KCNQ1: variants seen among roughly 807,000 people sequenced by gnomAD.
KCNQ1 encodes the protein potassium voltage-gated channel subfamily Q member 1, also known as potassium voltage-gated channel subfamily KQT member 1.
In KCNQ1, 49 loss-of-function variants were observed where a neutral mutation model predicts 72.4. That is an observed-to-expected ratio of 0.68 (90% CI 0.54 to 0.86). The LOEUF (loss-of-function observed/expected upper bound fraction) is 0.86, where lower values mean the gene tolerates loss of function less well. Among genes scored for constraint, KCNQ1 ranks in the 40% least tolerant of loss-of-function variants. The pLI, the probability that KCNQ1 is intolerant of heterozygous loss-of-function variation, is 0.00. For synonymous variants in KCNQ1, 450 were observed against 412.6 expected, an observed-to-expected ratio of 1.09 and a Z score of -1.10; for missense variants, 790 against 945.1, an observed-to-expected ratio of 0.84 and a Z score of 2.15.
chr11:2,651,595 G>A lies in KCNQ1; in HGVS notation c.1394-10366G>A, dbSNP rs1161573747. On this transcript the variant is annotated intron_variant, in intron 10 of 15. Coordinates refer to ENST00000155840, the MANE Select transcript of KCNQ1 (RefSeq NM_000218.3). The surrounding 1 kb of genome is among the most constrained non-coding windows in gnomAD (Gnocchi z 6.1). ...CCATGTCTCCAGTGCCTGCCACATA[G>A]CAGGTCCTCCAAGATTTGCTGATCT... is the stretch of plus-strand genomic sequence containing the variant. 1.5e-5 allele frequency: 6 copies of A among 398,530 alleles called. No individual in the cohort carries two copies. The highest frequency in any genetic ancestry group is 4.4e-6 in the Non-Finnish European group (1 of 226,094). The allele number at this position is 398,530 out of a possible 1,614,324, so 24.7% of individuals were successfully genotyped here.
At position 2,492,345 on chromosome 11, in the gene KCNQ1, G is replaced by A. The variant is rs1280829304; in HGVS notation, c.387-35583G>A. Among the ~76,000 whole-genome samples, 2 of 152,194 alleles carry A rather than the reference G, an allele frequency of 1.3e-5. No individual in the cohort carries two copies. Among genetic ancestry groups the A allele is most frequent in the Non-Finnish European group, 2.9e-5 (2 of 68,034 alleles). The stretch of plus-strand genomic sequence containing the variant: ...AAAGCGGAGAGACAAAAGTTGAAGT[G>A]TAGAGATTTTTTGTTTTACTTTAAG... On this transcript the variant is annotated intron_variant, in intron 1 of 15. Coordinates refer to ENST00000155840, the MANE Select transcript of KCNQ1 (RefSeq NM_000218.3). The surrounding 1 kb of genome is among the most constrained non-coding windows in gnomAD (Gnocchi z 4.1).
chr11:2,477,160 C>T lies in KCNQ1; in HGVS notation c.386+31676C>T, dbSNP rs955705874. On this transcript the variant is annotated intron_variant, in intron 1 of 15. Transcript: ENST00000155840. The surrounding 1 kb of genome is among the most constrained non-coding windows in gnomAD (Gnocchi z 5.0). ...CCCTCATCAGAACGTCCACAGCTGA[C>T]GGTGAACACATTGGCAGGTGAGATA... is the stretch of plus-strand genomic sequence containing the variant. Among the ~76,000 whole-genome samples, 4 of 152,196 alleles carry T rather than the reference C, an allele frequency of 2.6e-5. No homozygotes were observed. The highest frequency in any genetic ancestry group is 4.1e-4 in the South Asian group (2 of 4,828).
At chr11:2,530,219 C>T (rs1847595537) in intron 2 of KCNQ1, among the ~76,000 whole-genome samples, 1 of 152,172 alleles carries the variant, frequency 6.6e-6, no homozygotes, top group Non-Finnish European at 1.5e-5. Flanking sequence ...GCCCAGGATC[C>T]CCAAGTCCTC....
rs1395532766 is a variant in KCNQ1, at chr11:2,462,939, G to T, written c.386+17455G>T. Among the ~76,000 whole-genome samples, 2 of 152,210 alleles carry T rather than the reference G, an allele frequency of 1.3e-5. No individual in the cohort carries two copies. Among genetic ancestry groups the T allele is most frequent in the East Asian group, 1.9e-4 (1 of 5,192 alleles). On this transcript the variant is annotated intron_variant, in intron 1 of 15. Coordinates refer to ENST00000155840, the MANE Select transcript of KCNQ1 (RefSeq NM_000218.3). This position sits in a 1 kb window ranked among gnomAD's most constrained non-coding sequence, Gnocchi z 8.2. ...CCCGTGAGCTGAGCAGACAGGGAGG[G>T]TCTTGGGGGAAGGCTGTGGGCCCTT...
chr11:2,471,636 A>G lies in KCNQ1; in HGVS notation c.386+26152A>G, dbSNP rs1589898531. ...TATGGGTGTGTGCACGTATGCACGG[A>G]TGTGTGTACACATGTGTATGGGTGT... is the stretch of plus-strand genomic sequence containing the variant. On this transcript the variant is annotated intron_variant, in intron 1 of 15. Coordinates refer to ENST00000155840, the MANE Select transcript of KCNQ1 (RefSeq NM_000218.3). This position sits in a 1 kb window ranked among gnomAD's most constrained non-coding sequence, Gnocchi z 4.8. Among the ~76,000 whole-genome samples, 1 of 136,944 alleles carries G rather than the reference A, an allele frequency of 7.3e-6. No homozygotes were observed. The highest frequency in any genetic ancestry group is 2.3e-4 in the South Asian group (1 of 4,256). The allele number at this position is 136,944 out of a possible 152,430, so 89.8% of individuals were successfully genotyped here.
At chr11:2,539,903 G>A (rs1454914118) in intron 2 of KCNQ1, among the ~76,000 whole-genome samples, 1 of 152,226 alleles carries the variant, frequency 6.6e-6, no homozygotes, top group Non-Finnish European at 1.5e-5. Flanking sequence ...GTTGGGTTAT[G>A]TCCTTGTTTT....
chr11:2,568,133 C>T (rs1010079717), intron 2 of KCNQ1, among the ~76,000 whole-genome samples: 18 of 152,014 alleles, frequency 1.2e-4, no homozygotes, highest in African/African-American at 3.6e-4. Context: ...ATTAGCCAGG[C>T]GTGGTGGCAT....
intron 15 of KCNQ1, among the ~76,000 whole-genome samples, chr11:2,836,688 C>T (rs750686804): frequency 1.8e-4 from 27 of 152,218 alleles, no homozygotes; most frequent in Admixed American, 1.0e-3. Context: ...ACAAGTGTGT[C>T]GCATGGAAAC....
At chr11:2,456,876 T>G (rs1308594544) in intron 1 of KCNQ1, among the ~76,000 whole-genome samples, 1 of 143,336 alleles carries the variant, frequency 7.0e-6, no homozygotes, top group Non-Finnish European at 1.5e-5. Context: ...GAGACGGAGC[T>G]TGCAGTAAGC....
Position 2,626,645 on chromosome 11 carries a change from C to T in KCNQ1, c.1394-35316C>T, listed in dbSNP as rs748224327. The stretch of plus-strand genomic sequence containing the variant: ...CCAGGCTCAAGCAATCCTCCCACCT[C>T]GGCTTCTTGAGTAGCTGGGAATAGA... On this transcript the variant is annotated intron_variant, in intron 10 of 15. Transcript: ENST00000155840. This position sits in a 1 kb window ranked among gnomAD's most constrained non-coding sequence, Gnocchi z 4.0. 2.0e-5 allele frequency: 8 copies of T among 398,528 alleles called. No homozygotes were observed. Among genetic ancestry groups the T allele is most frequent in the East Asian group, 3.6e-5 (1 of 28,096 alleles). 24.7% of individuals were successfully genotyped at this position (398,528 alleles called of 1,614,324 possible). A position where few individuals can be genotyped will look rare whatever the true frequency, so the allele number is the denominator to read the frequency against.
chr11:2,534,259 C>T (rs1158996394), intron 2 of KCNQ1, among the ~76,000 whole-genome samples: 1 of 152,296 alleles, frequency 6.6e-6, no homozygotes, highest in South Asian at 2.1e-4. Context: ...TCAGGGCGCC[C>T]GCAGGCCCGC....
intron 11 of KCNQ1, chr11:2,699,989 C>G: frequency 2.5e-6 from 1 of 398,286 alleles, no homozygotes; most frequent in Admixed American, 4.4e-5. Flanking sequence ...ACGCGGCGAC[C>G]GTTCTGCCTG....
At chr11:2,700,090 G>T (rs1054942217) in intron 11 of KCNQ1, 9 of 397,774 alleles carry the variant, frequency 2.3e-5, no homozygotes, top group Non-Finnish European at 4.0e-5. Context: ...GGGAAGGCTT[G>T]CGGCGGGCTG....
chr11:2,688,183 C>T (rs972106262), intron 11 of KCNQ1: 7 of 398,670 alleles, frequency 1.8e-5, no homozygotes, highest in Non-Finnish European at 3.1e-5. Context: ...AGCTCCCAAG[C>T]AAGGGGGCAG....
chr11:2,528,029 T>C lies in KCNQ1; in HGVS notation c.477+11T>C. On this transcript the variant is annotated intron_variant, in intron 2 of 15. Transcript: ENST00000155840. Reference sequence around the variant, plus strand: ...ACTCTCTTCTGGATGGTACGTAGCATCTGAGGGCATGGCTGGATGTCATGG... The same window carrying C: ...ACTCTCTTCTGGATGGTACGTAGCACCTGAGGGCATGGCTGGATGTCATGG... 1.2e-6 allele frequency: 2 copies of C among 1,604,328 alleles called. No homozygotes were observed. The highest frequency in any genetic ancestry group is 1.7e-6 in the Non-Finnish European group (2 of 1,172,094).
rs1399396668 is a variant in KCNQ1, at chr11:2,463,252, C to T, written c.386+17768C>T. ...GCCTGGAGAGCCTAATCCCTACCTGCCAGTGGGTGACACAGAAGGCAGGAA... is the reference window on the plus strand; with the variant it reads ...GCCTGGAGAGCCTAATCCCTACCTGTCAGTGGGTGACACAGAAGGCAGGAA... On this transcript the variant is annotated intron_variant, in intron 1 of 15. Coordinates refer to ENST00000155840, the MANE Select transcript of KCNQ1 (RefSeq NM_000218.3). The surrounding 1 kb of genome is among the most constrained non-coding windows in gnomAD (Gnocchi z 7.0). Among the ~76,000 whole-genome samples the T allele has an allele frequency of 6.6e-6, 1 of 152,132 alleles. No homozygotes were observed. The highest frequency in any genetic ancestry group is 1.5e-5 in the Non-Finnish European group (1 of 67,998).
rs1036445685 is a variant in KCNQ1 at position 2,651,649 on chromosome 11, C to G, written c.1394-10312C>G. ...TGCCCCACCTGGGGTCTCTGTCTCT[C>G]CCACAGCTCACTGACATTAGCCACG... On this transcript the variant is annotated intron_variant, in intron 10 of 15. Transcript: ENST00000155840. The surrounding 1 kb of genome is among the most constrained non-coding windows in gnomAD (Gnocchi z 6.1). 2.5e-6 allele frequency: 1 copy of G among 398,592 alleles called. No homozygotes were observed. The highest frequency in any genetic ancestry group is 2.1e-5 in the African/African-American group (1 of 48,642). The allele number at this position is 398,592 out of a possible 1,614,324, so 24.7% of individuals were successfully genotyped here.
chr11:2,769,833 C>T lies in KCNQ1; in HGVS notation c.1590+914C>T, dbSNP rs558190113. ...GGTGGGGCTTCTGAGCTGGGGGCCC[C>T]TGGCACCTCAGCCACAGCCTCACCA... is the stretch of plus-strand genomic sequence containing the variant. On this transcript the variant is annotated intron_variant, in intron 12 of 15. Transcript: ENST00000155840. This position sits in a 1 kb window ranked among gnomAD's most constrained non-coding sequence, Gnocchi z 4.6. Among the ~76,000 whole-genome samples the T allele has an allele frequency of 2.0e-5, 3 of 152,204 alleles. No homozygotes were observed. The South Asian group carries it at 6.2e-4, about 32-fold the overall frequency.
rs1850026513 is a variant in KCNQ1, at chr11:2,664,457, C to A, written c.1514+2376C>A. 1 of 398,730 alleles carries A rather than the reference C, an allele frequency of 2.5e-6. No individual in the cohort carries two copies. The highest frequency in any genetic ancestry group is 4.4e-5 in the Admixed American group (1 of 22,740). 24.7% of individuals were successfully genotyped at this position (398,730 alleles called of 1,614,324 possible). On this transcript the variant is annotated intron_variant, in intron 11 of 15. Coordinates refer to ENST00000155840, the MANE Select transcript of KCNQ1 (RefSeq NM_000218.3). This position sits in a 1 kb window ranked among gnomAD's most constrained non-coding sequence, Gnocchi z 5.1. ...AACCCAGGCTCCTCTGGGATACAGG[C>A]TGGGTAGAGGCCCCACTCCATCTGG...
Sources: allele counts gnomAD v4.1 joint callset (sites outside exome capture counted in the v4.1 genomes callset), GRCh38; gene constraint gnomAD v4.1.1; non-coding constraint Gnocchi (gnomAD v3.1); transcripts MANE v1.5; gene names NCBI Gene and HGNC (gene_info 2026-07-23, HGNC 2026-07-21).